GMDS: variants seen among roughly 807,000 people sequenced by gnomAD.
GMDS encodes the protein GDP-mannose 4,6-dehydratase.
A neutral mutation model predicts 49.9 loss-of-function variants in GMDS; 20 were observed. The observed-to-expected ratio is 0.40, with a 90% confidence interval of 0.28 to 0.58. The LOEUF (loss-of-function observed/expected upper bound fraction) is 0.58, where lower values mean the gene tolerates loss of function less well. Among genes scored for constraint, GMDS ranks in the 20% least tolerant of loss-of-function variants. GMDS has a pLI of 0.42. For synonymous variants in GMDS, 177 were observed against 178.6 expected (o/e 0.99, Z 0.07); for missense variants, 362 against 481.4 (o/e 0.75, Z 2.32).
intron 9 of GMDS, among the ~76,000 whole-genome samples, chr6:1,710,513 A>T (rs1348788377): frequency 6.6e-6 from 1 of 152,234 alleles, no homozygotes; most frequent in Non-Finnish European, 1.5e-5. Flanking sequence ...AGAACTGTGT[A>T]GGGACAATGC....
At chr6:2,075,263 A>G (rs920412835) in intron 4 of GMDS, among the ~76,000 whole-genome samples, 1 of 150,858 alleles carries the variant, frequency 6.6e-6, no homozygotes, top group African/African-American at 2.4e-5. Flanking sequence ...TTTTTTTTTT[A>G]CAGGAAAGTG....
intron 8 of GMDS, among the ~76,000 whole-genome samples, chr6:1,738,107 T>TAC (rs774574655): frequency 4.9e-4 from 61 of 123,954 alleles, no homozygotes; most frequent in African/African-American, 1.8e-3. Context: ...ACCACACATA[T>TAC]ACACACACAC....
chr6:2,147,371 T>C (rs1776610933), intron 1 of GMDS, among the ~76,000 whole-genome samples: 1 of 152,098 alleles, frequency 6.6e-6, no homozygotes, highest in African/African-American at 2.4e-5. Flanking sequence ...CACATACACG[T>C]TTAGCGTCCC....
At chr6:1,994,388 C>A (rs142745216) in intron 4 of GMDS, among the ~76,000 whole-genome samples, 127 of 152,174 alleles carry the variant, frequency 8.3e-4, no homozygotes, top group African/African-American at 3.0e-3. Flanking sequence ...TCAGTTTTCC[C>A]ATGAGGGAAA....
At chr6:2,142,877 C>T (rs1288153135) in intron 1 of GMDS, among the ~76,000 whole-genome samples, 2 of 152,192 alleles carry the variant, frequency 1.3e-5, no homozygotes, top group African/African-American at 2.4e-5. Flanking sequence ...GTCCATCATC[C>T]ATCGCTCCTG....
chr6:1,797,668 G>A (rs906503008), intron 7 of GMDS, among the ~76,000 whole-genome samples: 2 of 152,208 alleles, frequency 1.3e-5, no homozygotes, highest in African/African-American at 4.8e-5. Context: ...GAGAGAAACT[G>A]AGGCAGAAAG....
intron 4 of GMDS, among the ~76,000 whole-genome samples, chr6:2,030,775 G>C (rs1308271945): frequency 1.3e-5 from 2 of 152,136 alleles, no homozygotes; most frequent in East Asian, 3.8e-4. Context: ...CTGTTATAAA[G>C]TGGTTCGCTA....
At chr6:2,019,224 A>G (rs1328810705) in intron 4 of GMDS, among the ~76,000 whole-genome samples, 1 of 151,470 alleles carries the variant, frequency 6.6e-6, no homozygotes, top group Non-Finnish European at 1.5e-5. Flanking sequence ...ATCTATATAC[A>G]ATATAAGATG....
intron 7 of GMDS, among the ~76,000 whole-genome samples, chr6:1,830,656 T>C (rs1756584639): frequency 1.3e-5 from 2 of 152,214 alleles, no homozygotes; most frequent in Non-Finnish European, 2.9e-5. Context: ...AATGATGTAG[T>C]TGCTTTTGCC....
chr6:2,064,064 G>C (rs1162778154), intron 4 of GMDS, among the ~76,000 whole-genome samples: 1 of 152,152 alleles, frequency 6.6e-6, no homozygotes, highest in Non-Finnish European at 1.5e-5. Context: ...ATTAATAACA[G>C]ACCATGTGGA....
intron 4 of GMDS, among the ~76,000 whole-genome samples, chr6:2,012,920 T>C (rs1235497891): frequency 3.3e-5 from 5 of 152,100 alleles, no homozygotes; most frequent in African/African-American, 1.2e-4. Context: ...GGTGTTCTGG[T>C]CTCCCTAACA....
At chr6:1,765,282 C>T (rs1268702310) in intron 7 of GMDS, among the ~76,000 whole-genome samples, 1 of 152,116 alleles carries the variant, frequency 6.6e-6, no homozygotes. Context: ...TAAATGTTTC[C>T]AAACTTTGTT....
intron 7 of GMDS, among the ~76,000 whole-genome samples, chr6:1,775,124 C>G (rs1444234978): frequency 2.0e-5 from 3 of 152,140 alleles, no homozygotes; most frequent in African/African-American, 4.8e-5. Flanking sequence ...AAATACCAAG[C>G]CTTCTAGAGA....
intron 1 of GMDS, among the ~76,000 whole-genome samples, chr6:2,225,004 T>C (rs1021169376): frequency 6.6e-6 from 1 of 152,046 alleles, no homozygotes; most frequent in African/African-American, 2.4e-5. Context: ...GTCCACACGA[T>C]GTCAGACGCT....
intron 4 of GMDS, among the ~76,000 whole-genome samples, chr6:2,073,432 T>C (rs1772132589): frequency 1.3e-5 from 2 of 152,346 alleles, no homozygotes; most frequent in East Asian, 1.9e-4. Context: ...ATGTATAGAA[T>C]GTGTAATGAT....
chr6:1,689,010 G>C (rs765829951), intron 9 of GMDS, among the ~76,000 whole-genome samples: 21 of 152,158 alleles, frequency 1.4e-4, no homozygotes, highest in Non-Finnish European at 2.5e-4. Flanking sequence ...ACATGTTCTT[G>C]CTATGAGGGT....
At chr6:1,699,381 AC>A (rs1305452821) in intron 9 of GMDS, among the ~76,000 whole-genome samples, 2 of 152,076 alleles carry the variant, frequency 1.3e-5, no homozygotes, top group African/African-American at 4.8e-5. Flanking sequence ...GGAGGGCCTA[AC>A]TGTGGAGGTT....
intron 7 of GMDS, among the ~76,000 whole-genome samples, chr6:1,901,306 A>C (rs1760493088): frequency 6.6e-6 from 1 of 152,228 alleles, no homozygotes; most frequent in Admixed American, 6.5e-5. Flanking sequence ...TCTTAAAGTC[A>C]GCCTTTTCTG....
chr6:1,750,320 C>G (rs1301875850), intron 7 of GMDS, among the ~76,000 whole-genome samples: 2 of 152,202 alleles, frequency 1.3e-5, no homozygotes. Context: ...CAGCTCCACT[C>G]TGGAGCTGCC....
Sources: gnomAD v4.1 joint callset for allele counts (sites outside exome capture counted in the v4.1 genomes callset) on GRCh38, gnomAD v4.1.1 for gene constraint, MANE v1.5 for transcripts, NCBI Gene and HGNC (gene_info 2026-07-23, HGNC 2026-07-21) for gene names.